UNC5D: variants seen among roughly 807,000 people sequenced by gnomAD.
UNC5D encodes the protein unc-5 netrin receptor D.
In UNC5D, 39 loss-of-function variants were observed where a neutral mutation model predicts 105.4. The ratio of observed to expected loss-of-function variants is 0.37; its 90% CI spans 0.29 to 0.48. UNC5D has a LOEUF of 0.48. UNC5D is among the 20% of genes least tolerant of loss of function. The pLI is 0.98. For synonymous variants in UNC5D, 452 were observed against 450.4 expected, an observed-to-expected ratio of 1.00 and a Z score of -0.04; for missense variants, 991 against 1,202.4, an observed-to-expected ratio of 0.82 and a Z score of 2.60.
intron 1 of UNC5D, among the ~76,000 whole-genome samples, chr8:35,418,975 T>A (rs1194657677): frequency 1.3e-5 from 2 of 152,232 alleles, no homozygotes; most frequent in African/African-American, 4.8e-5. Context: ...TGCTGCTCAC[T>A]GGGACCCTGA....
At chr8:35,286,762 C>G (rs545438205) in intron 1 of UNC5D, among the ~76,000 whole-genome samples, 1 of 152,260 alleles carries the variant, frequency 6.6e-6, no homozygotes, top group South Asian at 2.1e-4. Context: ...TAGGTAAGCC[C>G]AAGTCCACAC....
chr8:35,753,413 C>T (rs111377095), intron 13 of UNC5D, among the ~76,000 whole-genome samples: 2,061 of 152,086 alleles, frequency 0.014, 55 homozygotes, highest in African/African-American at 0.048. Context: ...AGACTACAGT[C>T]GCCTGCCACC....
Position 35,790,654 on chromosome 8 carries a change from G to A in UNC5D, c.*91G>A, listed in dbSNP as rs533705016. The A allele has an allele frequency of 2.5e-4, 357 of 1,408,308 alleles. 1 individual carries two copies. In the African/African-American group the frequency reaches 4.7e-3, roughly 19 times the overall value. 87.2% of individuals were successfully genotyped at this position (1,408,308 alleles called of 1,614,324 possible). On this transcript the variant is annotated 3_prime_UTR_variant, in exon 17 of 17. Transcript: ENST00000404895. Reference sequence around the variant, plus strand: ...GCCGCTTTCTGCCCAGTGGCGTTGGGGGAATTCAGCCTTCATTTATAATCA... The same window carrying A: ...GCCGCTTTCTGCCCAGTGGCGTTGGAGGAATTCAGCCTTCATTTATAATCA...
intron 1 of UNC5D, among the ~76,000 whole-genome samples, chr8:35,326,359 G>A (rs1432477153): frequency 6.6e-6 from 1 of 152,116 alleles, no homozygotes; most frequent in Non-Finnish European, 1.5e-5. Flanking sequence ...GCACGTGGTT[G>A]GAAACCAAGA....
intron 4 of UNC5D, among the ~76,000 whole-genome samples, chr8:35,656,890 A>G (rs1823770065): frequency 6.6e-6 from 1 of 151,784 alleles, no homozygotes; most frequent in Non-Finnish European, 1.5e-5. Context: ...CAGATTTTTA[A>G]TAATGTACAC....
intron 3 of UNC5D, among the ~76,000 whole-genome samples, chr8:35,569,330 T>C (rs1327808380): frequency 1.3e-5 from 2 of 152,068 alleles, no homozygotes; most frequent in African/African-American, 4.8e-5. Flanking sequence ...GGGGAAGAGA[T>C]GGTTATTGTT....
intron 1 of UNC5D, among the ~76,000 whole-genome samples, chr8:35,380,508 C>T (rs1802981107): frequency 6.6e-6 from 1 of 152,068 alleles, no homozygotes; most frequent in Non-Finnish European, 1.5e-5. Context: ...CTCTCTAAGG[C>T]ATAATGTTTT....
intron 3 of UNC5D, among the ~76,000 whole-genome samples, chr8:35,578,279 AAAG>A (rs1818236045): frequency 6.6e-6 from 1 of 150,930 alleles, no homozygotes; most frequent in South Asian, 2.1e-4. Flanking sequence ...CAAAAAAAAA[AAAG>A]AAAGAGAAAA....
At position 35,530,175 on chromosome 8, in the gene UNC5D, T is replaced by C. The variant is rs1056196203; in HGVS notation, c.104-19117T>C. ...TTTGTCCATTCAATATGATATTGGC[T>C]GTGGGTTTGTCATAGATAGCTCTTA... On this transcript the variant is annotated intron_variant, in intron 1 of 16. Coordinates refer to ENST00000404895, the MANE Select transcript of UNC5D (RefSeq NM_080872.4). Among the ~76,000 whole-genome samples the C allele has an allele frequency of 3.6e-3, 541 of 152,182 alleles. 7 individuals are homozygous for C. Among genetic ancestry groups the C allele is most frequent in the African/African-American group, 0.012 (516 of 41,510 alleles).
chr8:35,750,870 T>C, intron 13 of UNC5D, 61 bp downstream of exon 13: 1 of 1,593,234 alleles, frequency 6.3e-7, no homozygotes, highest in East Asian at 2.2e-5. Context: ...TTCCAAAAGA[T>C]CAGTATCAAT....
At chr8:35,611,719 G>A (rs1820694098) in intron 4 of UNC5D, among the ~76,000 whole-genome samples, 1 of 152,184 alleles carries the variant, frequency 6.6e-6, no homozygotes, top group South Asian at 2.1e-4. Context: ...TTTGGTGGCA[G>A]TTCTAACTAA....
chr8:35,381,904 A>G (rs959310312), intron 1 of UNC5D, among the ~76,000 whole-genome samples: 3 of 152,202 alleles, frequency 2.0e-5, no homozygotes, highest in Non-Finnish European at 4.4e-5. Flanking sequence ...GTTTTGTGCC[A>G]GTGATTTCAT....
chr8:35,236,704 G>A (rs900365029), intron 1 of UNC5D, among the ~76,000 whole-genome samples: 2 of 152,190 alleles, frequency 1.3e-5, no homozygotes, highest in African/African-American at 4.8e-5. Flanking sequence ...CACCTTGAGC[G>A]AGGACAGGCA....
chr8:35,640,379 T>G (rs1364567492), intron 4 of UNC5D, among the ~76,000 whole-genome samples: 2 of 152,202 alleles, frequency 1.3e-5, no homozygotes, highest in African/African-American at 4.8e-5. Flanking sequence ...CAAGAAATCA[T>G]GTACCCATAA....
intron 1 of UNC5D, among the ~76,000 whole-genome samples, chr8:35,454,096 T>C (rs1181182998): frequency 6.6e-6 from 1 of 152,180 alleles, no homozygotes; most frequent in East Asian, 1.9e-4. Flanking sequence ...TAACGTGTAA[T>C]CTACCAACCT....
intron 1 of UNC5D, among the ~76,000 whole-genome samples, chr8:35,473,770 G>A (rs1023928926): frequency 6.6e-6 from 1 of 152,120 alleles, no homozygotes; most frequent in Non-Finnish European, 1.5e-5. Flanking sequence ...CTATTTATGG[G>A]GTGTGTGTAG....
At position 35,767,833 on chromosome 8, in the gene UNC5D, CT is replaced by C. The variant is rs1801841282; in HGVS notation, c.2478+770del. On this transcript the variant is annotated intron_variant, in intron 15 of 16. Transcript: ENST00000404895. ...CAATTTGTCCTAAACCACCAAGTGACTTTATGGCTTTGAACATAAGCTTATA... is the reference window on the plus strand; with the variant it reads ...CAATTTGTCCTAAACCACCAAGTGACTTATGGCTTTGAACATAAGCTTATA... Among the ~76,000 whole-genome samples, 5 of 152,192 alleles carry C rather than the reference CT, an allele frequency of 3.3e-5. No homozygotes were observed. In the South Asian group the frequency reaches 1.0e-3, roughly 32 times the overall value.
chr8:35,245,111 CT>C (rs1803011340), intron 1 of UNC5D, among the ~76,000 whole-genome samples: 1 of 152,130 alleles, frequency 6.6e-6, no homozygotes, highest in Non-Finnish European at 1.5e-5. Context: ...AATACCTCGT[CT>C]TTATTATTAC....
chr8:35,704,283 G>A (rs993230247), intron 7 of UNC5D, among the ~76,000 whole-genome samples: 12 of 152,146 alleles, frequency 7.9e-5, no homozygotes, highest in Non-Finnish European at 1.5e-4. Context: ...CACTGGAGCT[G>A]CATTTATAGC....
Sources: allele counts gnomAD v4.1 joint callset (sites outside exome capture counted in the v4.1 genomes callset), GRCh38; gene constraint gnomAD v4.1.1; transcripts MANE v1.5; gene names NCBI Gene and HGNC (gene_info 2026-07-23, HGNC 2026-07-21).